Variants in NEMP2 observed in about 807,000 individuals in gnomAD.
NEMP2 encodes nuclear envelope integral membrane protein 2.
In NEMP2, 53 loss-of-function variants were observed where a neutral mutation model predicts 54.2. That is an observed-to-expected ratio of 0.98 (90% CI 0.78 to 1.23). The LOEUF is 1.23. Ranked by LOEUF, NEMP2 falls within the 50% of genes most tolerant of loss-of-function variation. The probability of loss-of-function intolerance (pLI) is 0.00; values close to 1 mark genes in which losing one functional copy is unlikely to be tolerated. For synonymous variants in NEMP2, 197 were observed against 190.3 expected (o/e 1.04, Z -0.29); for missense variants, 455 against 511.3 (o/e 0.89, Z 1.06).
the NEMP2 span, among the ~76,000 whole-genome samples, chr2:190,449,669 A>G: frequency 3.3e-5 from 5 of 152,144 alleles, no homozygotes; most frequent in Non-Finnish European, 5.9e-5. Flanking sequence ...TATAACCATG[A>G]AATACTATGC....
chr2:190,434,838 G>A, the NEMP2 span, among the ~76,000 whole-genome samples: 5 of 152,156 alleles, frequency 3.3e-5, no homozygotes, highest in Admixed American at 1.3e-4. This position sits in a 1 kb window ranked among gnomAD's most constrained non-coding sequence, Gnocchi z 4.3. Context: ...ACCATGGACC[G>A]CTACCACTCT....
chr2:190,541,372 T>C, the NEMP2 span, among the ~76,000 whole-genome samples: 25 of 152,266 alleles, frequency 1.6e-4, 1 homozygote, highest in Middle Eastern at 6.8e-3. The surrounding 1 kb of genome is among the most constrained non-coding windows in gnomAD (Gnocchi z 5.2). Flanking sequence ...TTTATTGCTA[T>C]AAACTTTCCT....
chr2:190,441,216 T>C, the NEMP2 span, among the ~76,000 whole-genome samples: 2 of 152,136 alleles, frequency 1.3e-5, no homozygotes, highest in African/African-American at 4.8e-5. Context: ...TGCTGATTTC[T>C]GTAGGCTATG....
the NEMP2 span, among the ~76,000 whole-genome samples, chr2:190,487,742 T>A: frequency 5.4e-4 from 82 of 152,286 alleles, no homozygotes; most frequent in African/African-American, 1.9e-3. This position sits in a 1 kb window ranked among gnomAD's most constrained non-coding sequence, Gnocchi z 5.5. Flanking sequence ...AAGATATATA[T>A]AAGTTCTGGC....
the NEMP2 span, among the ~76,000 whole-genome samples, chr2:190,632,797 A>T: frequency 6.6e-6 from 1 of 151,838 alleles, no homozygotes; most frequent in African/African-American, 2.4e-5. The surrounding 1 kb of genome is among the most constrained non-coding windows in gnomAD (Gnocchi z 4.8). Context: ...TATGTCAATT[A>T]AAAAAAAATC....
At chr2:190,490,518 G>C in the NEMP2 span, among the ~76,000 whole-genome samples, 1 of 151,876 alleles carries the variant, frequency 6.6e-6, no homozygotes, top group African/African-American at 2.4e-5. The surrounding 1 kb of genome is among the most constrained non-coding windows in gnomAD (Gnocchi z 4.5). Flanking sequence ...AGCCGAGATA[G>C]CACCACTGCA....
At chr2:190,556,040 G>A in the NEMP2 span, among the ~76,000 whole-genome samples, 5 of 152,080 alleles carry the variant, frequency 3.3e-5, no homozygotes, top group Admixed American at 2.0e-4. Flanking sequence ...AAAATTTCAG[G>A]CCAATATCCC....
the NEMP2 span, among the ~76,000 whole-genome samples, chr2:190,485,553 G>A: frequency 1.3e-5 from 2 of 151,980 alleles, no homozygotes; most frequent in Non-Finnish European, 2.9e-5. The surrounding 1 kb of genome is among the most constrained non-coding windows in gnomAD (Gnocchi z 5.1). Flanking sequence ...AAAAAAATCT[G>A]CATATGTGAA....
the NEMP2 span, among the ~76,000 whole-genome samples, chr2:190,466,580 T>C: frequency 6.6e-6 from 1 of 152,346 alleles, no homozygotes; most frequent in South Asian, 2.1e-4. Flanking sequence ...ATGATGATGA[T>C]GATGATGAAT....
the NEMP2 span, among the ~76,000 whole-genome samples, chr2:190,636,412 T>C: frequency 6.6e-6 from 1 of 152,382 alleles, no homozygotes; most frequent in East Asian, 1.9e-4. Flanking sequence ...AAACTTGTTA[T>C]ATTTTTTTCA....
At chr2:190,497,741 A>T in the NEMP2 span, 1 of 1,600,362 alleles carries the variant, frequency 6.2e-7, no homozygotes, top group African/African-American at 1.3e-5. This position sits in a 1 kb window ranked among gnomAD's most constrained non-coding sequence, Gnocchi z 5.2. Context: ...TTGCTGGGCT[A>T]GCAATATTAC....
chr2:190,615,542 C>A, the NEMP2 span, among the ~76,000 whole-genome samples: 645 of 152,278 alleles, frequency 4.2e-3, 13 homozygotes, highest in East Asian at 0.064. This position sits in a 1 kb window ranked among gnomAD's most constrained non-coding sequence, Gnocchi z 4.7. Flanking sequence ...CCAAACCTAT[C>A]CTTGGAGGTT....
Position 190,517,587 on chromosome 2 carries a change from C to T in NEMP2, c.545G>A (p.Gly182Glu). 6.5e-7 allele frequency: 1 copy of T among 1,549,416 alleles called. No homozygotes were observed. Among genetic ancestry groups the T allele is most frequent in the Non-Finnish European group, 8.7e-7 (1 of 1,146,168 alleles). ...TGTCATTAGAACACCTAGCACAGTT[C>T]CCGAGGAGTAATAGAAAGTAGGGCT... The part of the protein sequence containing the change: ...SQSPTFYYSS[G>E]TVLGVLMTLV... Residue 182 changes from glycine (G) to glutamate (E), a missense_variant, in exon 5 of 9, where the codon GGA becomes GAA. Physicochemically the swap from Gly to Glu is moderately conservative, Grantham distance 98. This residue lies in a region of NEMP2 where 294 missense variants were observed against 333.6 expected (regional missense o/e 0.88). Coordinates refer to ENST00000409150, the MANE Select transcript of NEMP2 (RefSeq NM_001142645.2).
the NEMP2 span, among the ~76,000 whole-genome samples, chr2:190,446,592 C>G: frequency 6.6e-6 from 1 of 152,042 alleles, no homozygotes; most frequent in Non-Finnish European, 1.5e-5. Flanking sequence ...TTTGGGGGAT[C>G]AGAGAGAGGG....
chr2:190,472,417 G>A, the NEMP2 span, among the ~76,000 whole-genome samples: 11 of 152,124 alleles, frequency 7.2e-5, no homozygotes, highest in African/African-American at 1.9e-4. Context: ...TGAAAACCAC[G>A]GCACGAGAAA....
At chr2:190,455,627 C>T in the NEMP2 span, among the ~76,000 whole-genome samples, 1 of 151,848 alleles carries the variant, frequency 6.6e-6, no homozygotes, top group Admixed American at 6.6e-5. Flanking sequence ...AGATTATGGG[C>T]AGAAATACAT....
the NEMP2 span, among the ~76,000 whole-genome samples, chr2:190,581,180 C>T: frequency 6.6e-6 from 1 of 152,176 alleles, no homozygotes; most frequent in African/African-American, 2.4e-5. Context: ...TAAATTCATG[C>T]ACTAAAGCTC....
chr2:190,494,653 G>A, the NEMP2 span, among the ~76,000 whole-genome samples: 1 of 152,110 alleles, frequency 6.6e-6, no homozygotes, highest in African/African-American at 2.4e-5. The surrounding 1 kb of genome is among the most constrained non-coding windows in gnomAD (Gnocchi z 5.7). Context: ...AATCCACCAT[G>A]ATCAACTGGG....
At chr2:190,559,924 T>TAC in the NEMP2 span, among the ~76,000 whole-genome samples, 1 of 152,078 alleles carries the variant, frequency 6.6e-6, no homozygotes, top group African/African-American at 2.4e-5. This position sits in a 1 kb window ranked among gnomAD's most constrained non-coding sequence, Gnocchi z 4.0. Context: ...ATAGGCAGTA[T>TAC]CTAAAAGGAG....
Sources: allele counts gnomAD v4.1 joint callset (sites outside exome capture counted in the v4.1 genomes callset), GRCh38; gene constraint gnomAD v4.1.1; regional missense constraint gnomAD v4.1.1; non-coding constraint Gnocchi (gnomAD v3.1); transcripts MANE v1.5; gene names NCBI Gene and HGNC (gene_info 2026-07-23, HGNC 2026-07-21).